RAD51AP2: variants seen among roughly 807,000 people sequenced by gnomAD.
The protein encoded by RAD51AP2 is RAD51 associated protein 2, also known as RAD51-associated protein 2.
In RAD51AP2, 67 loss-of-function variants were observed where a neutral mutation model predicts 85.5. The ratio of observed to expected loss-of-function variants is 0.78; its 90% CI spans 0.64 to 0.96. The LOEUF (loss-of-function observed/expected upper bound fraction) is 0.96. Among genes scored for constraint, RAD51AP2 ranks in the 40% least tolerant of loss-of-function variants. RAD51AP2 has a pLI of 0.00. For missense variants in RAD51AP2, 1,307 were observed against 1,332.4 expected (o/e 0.98, Z 0.30); for synonymous variants, 474 against 446.5 (o/e 1.06, Z -0.78).
chr2:17,517,689 A>G lies in RAD51AP2; in HGVS notation c.727T>C (p.Leu243=), dbSNP rs768421361. ...AAATAGCTAGGTTTGGCAATTTCCA[A>G]GCTGGGCTGGTTTTGAGATTTTGAT... ...KISKSQNQPS[L]EIAKPSYFRD... The change falls in exon 1 of 3, where the codon TTG becomes CTG. Residue 243 remains leucine, a synonymous_variant. Coordinates refer to ENST00000399080, the MANE Select transcript of RAD51AP2 (RefSeq NM_001099218.3). The G allele has an allele frequency of 7.4e-6, 12 of 1,613,162 alleles. No individual in the cohort carries two copies. The highest frequency in any genetic ancestry group is 1.0e-5 in the Non-Finnish European group (12 of 1,179,800).
At chr2:17,529,837 G>A in the RAD51AP2 span, among the ~76,000 whole-genome samples, 1 of 152,174 alleles carries the variant, frequency 6.6e-6, no homozygotes, top group Non-Finnish European at 1.5e-5. Flanking sequence ...ATCTTCCTGT[G>A]GAATTCCATT....
At chr2:17,535,141 C>T in the RAD51AP2 span, among the ~76,000 whole-genome samples, 3,684 of 152,220 alleles carry the variant, frequency 0.024, 44 homozygotes, top group Middle Eastern at 0.055. Flanking sequence ...AAAGATTCTT[C>T]TGCTGGGAAA....
At chr2:17,520,640 C>A (rs1030251274), upstream of RAD51AP2, among the ~76,000 whole-genome samples, 2 of 152,020 alleles carry the variant, frequency 1.3e-5, no homozygotes, top group Non-Finnish European at 2.9e-5. Flanking sequence ...AGATATGACA[C>A]AATCTCCTAT....
At chr2:17,531,314 G>A in the RAD51AP2 span, among the ~76,000 whole-genome samples, 2 of 152,002 alleles carry the variant, frequency 1.3e-5, no homozygotes, top group African/African-American at 4.8e-5. Context: ...AAAGCCTTAG[G>A]ACATGTCCCT....
In RAD51AP2 at chr2:17,517,029, C is replaced by T. The variant is rs374703844; in HGVS notation, c.1387G>A (p.Val463Ile). 8 of 1,604,540 alleles carry T rather than the reference C, an allele frequency of 5.0e-6. No individual in the cohort carries two copies. The highest frequency in any genetic ancestry group is 1.3e-5 in the African/African-American group (1 of 74,244). The change falls in exon 1 of 3, where the codon GTA becomes ATA. Residue 463 changes from valine (V) to isoleucine (I), a missense_variant. Coordinates refer to ENST00000399080, the MANE Select transcript of RAD51AP2 (RefSeq NM_001099218.3). ...NAYEEQSKLL[V>I]REILGSQTAL... The stretch of plus-strand genomic sequence containing the variant: ...GTCTGACTACCTAATATTTCTCTTA[C>T]GAGAAGCTTTGATTGTTCTTCATAT...
chr2:17,520,939 G>A (rs191708161), upstream of RAD51AP2, among the ~76,000 whole-genome samples: 1 of 152,058 alleles, frequency 6.6e-6, no homozygotes, highest in African/African-American at 2.4e-5. Context: ...CCCTGCTGTA[G>A]CCAATCCCTG....
chr2:17,523,332 G>A (rs1254066422), upstream of RAD51AP2, among the ~76,000 whole-genome samples: 3 of 151,854 alleles, frequency 2.0e-5, no homozygotes, highest in South Asian at 2.1e-4. Flanking sequence ...GTAACTTCAC[G>A]TGGGTAGTTT....
At position 17,515,389 on chromosome 2, in the gene RAD51AP2, T is replaced by C. The variant is rs201214785; in HGVS notation, c.3027A>G (p.Val1009=). 102 of 1,612,044 alleles carry C rather than the reference T, an allele frequency of 6.3e-5. No homozygotes were observed. The highest frequency in any genetic ancestry group is 8.5e-5 in the Non-Finnish European group (100 of 1,179,532). The change falls in exon 1 of 3, where the codon GTA becomes GTG. Residue 1009 remains valine, a synonymous_variant. Transcript: ENST00000399080. ...TCAAATCTTTTTCTATCTCCATTTT[T>C]ACCTTCTCAGCATCATTTTCTCCAA... ...NYFGENDAEK[V]KMEIEKDLKM...
At chr2:17,528,477 A>G in the RAD51AP2 span, among the ~76,000 whole-genome samples, 1 of 152,206 alleles carries the variant, frequency 6.6e-6, no homozygotes, top group Non-Finnish European at 1.5e-5. Context: ...GGGAAAAACT[A>G]TTTAAATTTT....
Position 17,517,184 on chromosome 2 carries a change from CA to C in RAD51AP2, c.1231del (p.Trp411GlyfsTer3). The C allele has an allele frequency of 1.2e-6, 2 of 1,609,598 alleles. No homozygotes were observed. Among genetic ancestry groups the C allele is most frequent in the Non-Finnish European group, 1.7e-6 (2 of 1,178,640 alleles). On this transcript the variant is annotated frameshift_variant, in exon 1 of 3. Coordinates refer to ENST00000399080, the MANE Select transcript of RAD51AP2 (RefSeq NM_001099218.3). LOFTEE classifies it high-confidence loss of function. ...TTTAGTCTTGCAATTATTTATAATC[CA>C]ACAATTTCCTCTATTTCTTCTCAAA... is the stretch of plus-strand genomic sequence containing the variant. ...HILRRNRGNC[W>X]IINNCKTKCE...
At chr2:17,532,646 C>T in the RAD51AP2 span, among the ~76,000 whole-genome samples, 1 of 152,018 alleles carries the variant, frequency 6.6e-6, no homozygotes. Context: ...GACTTGTGGG[C>T]TAGGCATACT....
At chr2:17,527,978 T>C in the RAD51AP2 span, among the ~76,000 whole-genome samples, 5 of 152,224 alleles carry the variant, frequency 3.3e-5, no homozygotes, top group Admixed American at 2.6e-4. Flanking sequence ...TTAATATTGT[T>C]CTAACTATAT....
chr2:17,525,341 C>CA, the RAD51AP2 span, among the ~76,000 whole-genome samples: 3 of 151,868 alleles, frequency 2.0e-5, no homozygotes, highest in African/African-American at 7.2e-5. Context: ...TGACCAAGGC[C>CA]ATGATACCCT....
chr2:17,529,503 A>C, the RAD51AP2 span, among the ~76,000 whole-genome samples: 2 of 152,140 alleles, frequency 1.3e-5, no homozygotes, highest in East Asian at 3.9e-4. Flanking sequence ...AAGAAAGAGT[A>C]ATTAATCAAC....
chr2:17,510,813 T>G lies in RAD51AP2; in HGVS notation c.3471A>C (p.Glu1157Asp). 6.4e-7 allele frequency: 1 copy of G among 1,564,004 alleles called. No homozygotes were observed. The highest frequency in any genetic ancestry group is 1.2e-5 in the South Asian group (1 of 82,328). The part of the protein sequence containing the change: ...LKQMCYGNLK[E>D]NF ...TTTTGAAATATGAAAGTCAAAAATT[T>G]TCTTTTAAGTTTCCGTAACACATTT... Residue 1157 changes from glutamate to aspartate, a missense_variant, in exon 3 of 3, where the codon GAA becomes GAC. By Grantham distance (45) the Glu-to-Asp change is conservative. Around this residue, in one of 3 missense-constraint regions of RAD51AP2, gnomAD observed 668 missense variants for 671.0 expected, o/e 1.00. Transcript: ENST00000399080.
At position 17,517,562 on chromosome 2, in the gene RAD51AP2, T is replaced by C; in HGVS notation, c.854A>G (p.Lys285Arg). 6.2e-7 allele frequency: 1 copy of C among 1,613,720 alleles called. No homozygotes were observed. The highest frequency in any genetic ancestry group is 8.5e-7 in the Non-Finnish European group (1 of 1,179,930). The change falls in exon 1 of 3, where the codon AAA (lysine) becomes AGA (arginine). Residue 285 changes from lysine to arginine, a missense_variant. Around this residue, in one of 3 missense-constraint regions of RAD51AP2, gnomAD observed 635 missense variants for 643.6 expected, o/e 0.99. Transcript: ENST00000399080. ...LKEIAKKKND[K>R]KEAYVRDFTN... ...GAAATCCCTAACATATGCCTCTTTT[T>C]TGTCATTCTTTTTCTTCGCTATTTC...
chr2:17,516,826 TA>T lies in RAD51AP2; in HGVS notation c.1589del (p.Leu530Ter). The T allele has an allele frequency of 6.5e-7, 1 of 1,546,294 alleles. No individual in the cohort carries two copies. Among genetic ancestry groups the T allele is most frequent in the South Asian group, 1.2e-5 (1 of 81,540 alleles). ...ISGNKKDNSILTCCNILKCKK... is the reference protein window; with the variant it reads ...ISGNKKDNSIXTCCNILKCKK... ...TACACTTCAAAATGTTACAGCAGGTTAAAATACTATTATCTTTTTTATTTCC... is the reference window on the plus strand; with the variant it reads ...TACACTTCAAAATGTTACAGCAGGTTAAATACTATTATCTTTTTTATTTCC... On this transcript the variant is annotated frameshift_variant, in exon 1 of 3. Coordinates refer to ENST00000399080, the MANE Select transcript of RAD51AP2 (RefSeq NM_001099218.3). LOFTEE classifies it high-confidence loss of function.
chr2:17,522,139 T>G (rs1662869760), upstream of RAD51AP2, among the ~76,000 whole-genome samples: 1 of 152,066 alleles, frequency 6.6e-6, no homozygotes, highest in African/African-American at 2.4e-5. Context: ...TAAGAACTTC[T>G]TTTAACCTTT....
chr2:17,526,736 T>C, the RAD51AP2 span, among the ~76,000 whole-genome samples: 1 of 152,098 alleles, frequency 6.6e-6, no homozygotes, highest in Non-Finnish European at 1.5e-5. Context: ...CATTCACCAC[T>C]AACCCTTTCT....
Sources: allele counts gnomAD v4.1 joint callset (sites outside exome capture counted in the v4.1 genomes callset), GRCh38; gene constraint gnomAD v4.1.1; regional missense constraint gnomAD v4.1.1; transcripts MANE v1.5; gene names NCBI Gene and HGNC (gene_info 2026-07-23, HGNC 2026-07-21).